PRKN: variants seen among roughly 807,000 people sequenced by gnomAD.
The protein encoded by PRKN is parkin RBR E3 ubiquitin protein ligase.
PRKN carries 56 observed loss-of-function variants against 59.5 expected under a neutral mutation model. The observed-to-expected ratio is 0.94, with a 90% CI of 0.76 to 1.18. The LOEUF (loss-of-function observed/expected upper bound fraction) is 1.18, where lower values mean the gene tolerates loss of function less well. PRKN is among the 50% of genes most tolerant of loss of function. The probability of loss-of-function intolerance (pLI) is 0.00; values close to 1 mark genes in which losing one functional copy is unlikely to be tolerated. For missense variants in PRKN, 657 were observed against 596.4 expected, an observed-to-expected ratio of 1.10 and a Z score of -1.06; for synonymous variants, 250 against 222.1, an observed-to-expected ratio of 1.13 and a Z score of -1.12.
At chr6:161,763,284 G>A (rs937151536) in intron 7 of PRKN, among the ~76,000 whole-genome samples, 4 of 152,138 alleles carry the variant, frequency 2.6e-5, no homozygotes, top group Non-Finnish European at 5.9e-5. Flanking sequence ...GAAAGAAGCA[G>A]GCAGATTGAC....
intron 1 of PRKN, among the ~76,000 whole-genome samples, chr6:162,671,175 C>T (rs1446609538): frequency 6.6e-6 from 1 of 152,070 alleles, no homozygotes; most frequent in Non-Finnish European, 1.5e-5. Context: ...CACTATACTG[C>T]TTATTGATGA....
intron 1 of PRKN, among the ~76,000 whole-genome samples, chr6:162,539,539 A>G (rs562510466): frequency 3.3e-5 from 5 of 152,328 alleles, no homozygotes; most frequent in Admixed American, 6.5e-5. Context: ...TACATCATCG[A>G]CTATCTGAAT....
intron 4 of PRKN, among the ~76,000 whole-genome samples, chr6:162,130,361 T>C (rs1475891473): frequency 6.6e-6 from 1 of 152,026 alleles, no homozygotes; most frequent in East Asian, 1.9e-4. Flanking sequence ...CCCAATAAAA[T>C]CAAACCTCTT....
chr6:162,376,764 G>A (rs1290346170), intron 2 of PRKN, among the ~76,000 whole-genome samples: 1 of 115,044 alleles, frequency 8.7e-6, no homozygotes, highest in Admixed American at 8.7e-5. Flanking sequence ...AGAGTGAGAG[G>A]GAAAGGGAGG....
intron 2 of PRKN, among the ~76,000 whole-genome samples, chr6:162,275,791 A>C (rs1780611049): frequency 6.6e-6 from 1 of 152,072 alleles, no homozygotes; most frequent in African/African-American, 2.4e-5. Context: ...GTCTCAAAAA[A>C]AAAAAACGAA....
At chr6:162,150,066 A>C (rs555403266) in intron 4 of PRKN, among the ~76,000 whole-genome samples, 1 of 152,168 alleles carries the variant, frequency 6.6e-6, no homozygotes, top group African/African-American at 2.4e-5. Context: ...AATTCAGTAA[A>C]AAAGCCAATA....
intron 2 of PRKN, among the ~76,000 whole-genome samples, chr6:162,312,184 A>G (rs927989676): frequency 1.3e-5 from 2 of 152,092 alleles, no homozygotes; most frequent in African/African-American, 4.8e-5. Context: ...GAGCAGGTTC[A>G]ATCTTAAGAA....
intron 1 of PRKN, among the ~76,000 whole-genome samples, chr6:162,499,475 T>G (rs1365905764): frequency 6.6e-6 from 1 of 152,148 alleles, no homozygotes; most frequent in Non-Finnish European, 1.5e-5. Flanking sequence ...GCATGCCCAG[T>G]GCCTAGCATG....
At chr6:161,619,988 T>G (rs1366681034) in intron 7 of PRKN, among the ~76,000 whole-genome samples, 3 of 127,628 alleles carry the variant, frequency 2.4e-5, no homozygotes, top group Non-Finnish European at 5.0e-5. Context: ...ATTCTTTTTT[T>G]TTTTTTTTTT....
intron 1 of PRKN, among the ~76,000 whole-genome samples, chr6:162,680,931 T>C (rs1191789850): frequency 2.0e-5 from 3 of 152,140 alleles, no homozygotes; most frequent in Non-Finnish European, 4.4e-5. Flanking sequence ...GTGATTAATA[T>C]TGGAAAAGGC....
rs913220512 is a variant in PRKN at position 161,400,464 on chromosome 6, C to T, written c.1084-13587G>A. On this transcript the variant is annotated intron_variant, in intron 9 of 11. Transcript: ENST00000366898. This position sits in a 1 kb window ranked among gnomAD's most constrained non-coding sequence, Gnocchi z 4.2. ...CTGGAATTACAGGTGTGTGCCACCA[C>T]GCCCAGCTAATTTTTGTATTTTTAG... is the stretch of plus-strand genomic sequence containing the variant. 2.6e-5 allele frequency among the ~76,000 whole-genome samples: 4 copies of T among 151,980 alleles called. No homozygotes were observed. The highest frequency in any genetic ancestry group is 2.1e-4 in the South Asian group (1 of 4,818).
At chr6:162,228,966 A>T (rs1778305128) in intron 3 of PRKN, among the ~76,000 whole-genome samples, 1 of 152,142 alleles carries the variant, frequency 6.6e-6, no homozygotes, top group Admixed American at 6.5e-5. Flanking sequence ...GATCTTTTGT[A>T]CACCTCTAAA....
At chr6:162,460,553 C>T (rs926661552) in intron 1 of PRKN, among the ~76,000 whole-genome samples, 2 of 152,142 alleles carry the variant, frequency 1.3e-5, no homozygotes, top group Non-Finnish European at 2.9e-5. Context: ...GTATCTCCTC[C>T]GCTGTCCCTC....
intron 1 of PRKN, among the ~76,000 whole-genome samples, chr6:162,604,096 C>T (rs1209784487): frequency 6.6e-6 from 1 of 152,188 alleles, no homozygotes; most frequent in Non-Finnish European, 1.5e-5. Flanking sequence ...GAGGACCACA[C>T]TGCACCGCAG....
At chr6:162,142,453 T>C (rs959563983) in intron 4 of PRKN, among the ~76,000 whole-genome samples, 8 of 152,222 alleles carry the variant, frequency 5.3e-5, no homozygotes, top group African/African-American at 1.9e-4. Flanking sequence ...TCCTCCATTA[T>C]AGGCTTGTTA....
chr6:161,716,117 C>T, intron 7 of PRKN: 1 of 1,346,482 alleles, frequency 7.4e-7, no homozygotes, highest in Non-Finnish European at 9.8e-7. Flanking sequence ...CTAAGCACCA[C>T]TGTGTCTCCA....
rs149055823 is a variant in PRKN, at chr6:162,446,209, T to C, written c.8-2736A>G. ...CAACCAATTCATCAGAAAAGACACA[T>C]GACAAGTTAGGGGCTATAGGGACAA... On this transcript the variant is annotated intron_variant, in intron 1 of 11. Coordinates refer to ENST00000366898, the MANE Select transcript of PRKN (RefSeq NM_004562.3). 2.1e-3 allele frequency among the ~76,000 whole-genome samples: 325 copies of C among 152,176 alleles called. 2 individuals carry two copies. Among genetic ancestry groups the C allele is most frequent in the African/African-American group, 7.5e-3 (312 of 41,520 alleles).
intron 6 of PRKN, among the ~76,000 whole-genome samples, chr6:161,878,949 T>G (rs553246791): frequency 3.3e-5 from 5 of 152,316 alleles, no homozygotes; most frequent in Non-Finnish European, 7.4e-5. Context: ...CAATTTACAC[T>G]TCTACAGTCA....
chr6:161,999,620 C>T (rs975118441), intron 5 of PRKN, among the ~76,000 whole-genome samples: 5 of 151,986 alleles, frequency 3.3e-5, no homozygotes, highest in African/African-American at 9.7e-5. Context: ...AAGAAGGTGG[C>T]AAGAGGTGAG....
Sources: gnomAD v4.1 joint callset for allele counts (sites outside exome capture counted in the v4.1 genomes callset) on GRCh38, gnomAD v4.1.1 for gene constraint, Gnocchi (gnomAD v3.1) non-coding constraint, MANE v1.5 for transcripts, NCBI Gene and HGNC (gene_info 2026-07-23, HGNC 2026-07-21) for gene names.